Variants in SPPL3 observed in about 807,000 individuals in gnomAD.
SPPL3 encodes signal peptide peptidase like 3.
Under a neutral mutation model 42.4 loss-of-function variants are expected in SPPL3, and 5 were observed. That is an observed-to-expected ratio of 0.12 (90% CI 0.06 to 0.25). SPPL3 has a LOEUF of 0.25. Among genes scored for constraint, SPPL3 ranks in the 10% least tolerant of loss-of-function variants. The pLI is 1.00. For synonymous variants in SPPL3, 195 were observed against 181.8 expected, an observed-to-expected ratio of 1.07 and a Z score of -0.58; for missense variants, 235 against 489.0, an observed-to-expected ratio of 0.48 and a Z score of 4.90.
At position 120,853,524 on chromosome 12, in the gene SPPL3, T is replaced by C. The variant is rs74843871; in HGVS notation, c.24-42638A>G. On this transcript the variant is annotated intron_variant, in intron 1 of 10. Transcript: ENST00000353487. ...ACAAACCATAGTATTCCTAATTCTT[T>C]TGATATAAATTTTAGACTAAGAAGA... is the stretch of plus-strand genomic sequence containing the variant. 4.2e-3 allele frequency among the ~76,000 whole-genome samples: 639 copies of C among 152,310 alleles called. 7 individuals carry two copies. Among genetic ancestry groups the C allele is most frequent in the African/African-American group, 0.014 (594 of 41,562 alleles).
At chr12:120,900,654 C>T (rs1873949490) in intron 1 of SPPL3, among the ~76,000 whole-genome samples, 1 of 150,406 alleles carries the variant, frequency 6.6e-6, no homozygotes, top group Non-Finnish European at 1.5e-5. Context: ...CGCCTGTAAT[C>T]CCAGCACTTT....
intron 1 of SPPL3, among the ~76,000 whole-genome samples, chr12:120,858,464 CA>C (rs61150500): frequency 7.1e-5 from 10 of 141,716 alleles, no homozygotes; most frequent in African/African-American, 7.9e-5. Flanking sequence ...CTCAAGAAAA[CA>C]AAAAAAAAAA....
At chr12:120,860,695 A>C (rs1295569441) in intron 1 of SPPL3, among the ~76,000 whole-genome samples, 2 of 152,194 alleles carry the variant, frequency 1.3e-5, no homozygotes, top group Non-Finnish European at 2.9e-5. Context: ...TGTTCGTGAC[A>C]AATTGGAGGG....
At chr12:120,832,713 T>C (rs1871468041) in intron 1 of SPPL3, among the ~76,000 whole-genome samples, 1 of 152,194 alleles carries the variant, frequency 6.6e-6, no homozygotes, top group Non-Finnish European at 1.5e-5. Flanking sequence ...TCTTTTTATT[T>C]TACTTGGAAA....
intron 10 of SPPL3, among the ~76,000 whole-genome samples, 165 bp downstream of exon 10, chr12:120,766,098 G>GCACACACAAACA (rs750703823): frequency 1.4e-5 from 2 of 144,044 alleles, no homozygotes; most frequent in African/African-American, 5.3e-5. Context: ...TAGCGCGCGC[G>GCACACACAAACA]CGCACACACA....
intron 1 of SPPL3, 85 bp downstream of exon 1, chr12:120,903,760 T>C: frequency 3.3e-6 from 2 of 611,580 alleles, no homozygotes; most frequent in Non-Finnish European, 2.5e-6. Flanking sequence ...GCACCTGTTC[T>C]TCCTCCTCTT....
chr12:120,902,152 G>A (rs1214973501), intron 1 of SPPL3, among the ~76,000 whole-genome samples: 9 of 152,208 alleles, frequency 5.9e-5, no homozygotes, highest in Non-Finnish European at 1.3e-4. Context: ...CAGCTGTCAC[G>A]CAAAACTATG....
intron 1 of SPPL3, among the ~76,000 whole-genome samples, chr12:120,839,477 G>T (rs539325887): frequency 6.6e-6 from 1 of 152,022 alleles, no homozygotes; most frequent in South Asian, 2.1e-4. Flanking sequence ...CCTGTACATT[G>T]TGCACATGTA....
intron 2 of SPPL3, among the ~76,000 whole-genome samples, chr12:120,804,900 A>T (rs1423202452): frequency 1.3e-5 from 2 of 152,238 alleles, no homozygotes; most frequent in African/African-American, 4.8e-5. Flanking sequence ...AGTAATAAAA[A>T]GGAATGAAAT....
chr12:120,896,246 G>C (rs141052315), intron 1 of SPPL3, among the ~76,000 whole-genome samples: 1 of 152,036 alleles, frequency 6.6e-6, no homozygotes, highest in African/African-American at 2.4e-5. Context: ...CAACCTAGTC[G>C]TTCCACAACA....
intron 6 of SPPL3, among the ~76,000 whole-genome samples, chr12:120,778,408 C>T (rs535814901): frequency 3.9e-5 from 6 of 152,144 alleles, no homozygotes; most frequent in African/African-American, 1.2e-4. Flanking sequence ...TGAGCCACCG[C>T]GCCCGGCCTG....
rs71453512 is a variant in SPPL3, at chr12:120,871,130, CAAAAAAAAA to C, written c.23+32706_23+32714del. Among the ~76,000 whole-genome samples the C allele has an allele frequency of 7.7e-5, 4 of 51,686 alleles. No individual in the cohort carries two copies. In the East Asian group the frequency reaches 3.0e-3, roughly 39 times the overall value. The allele number at this position is 51,686 out of a possible 152,430, so 33.9% of individuals were successfully genotyped here. Reference sequence around the variant, plus strand: ...GGGCGACAGAGTGAGACTCCGTCTCCAAAAAAAAAAAAAAAAAAAGAAAAAGTTCTGGAG... The same window carrying C: ...GGGCGACAGAGTGAGACTCCGTCTCCAAAAAAAAAAGAAAAAGTTCTGGAG... On this transcript the variant is annotated intron_variant, in intron 1 of 10. Transcript: ENST00000353487.
intron 4 of SPPL3, 78 bp downstream of exon 4, chr12:120,784,396 C>T: frequency 1.4e-6 from 2 of 1,420,364 alleles, no homozygotes. Flanking sequence ...GTATATAAAT[C>T]TTAATTTTTG....
chr12:120,863,355 A>C (rs534629639), intron 1 of SPPL3, among the ~76,000 whole-genome samples: 38 of 151,160 alleles, frequency 2.5e-4, no homozygotes, highest in African/African-American at 8.3e-4. Context: ...CTCAAAAGAA[A>C]AAAAAAAAAA....
chr12:120,863,849 C>G (rs183839185), intron 1 of SPPL3, among the ~76,000 whole-genome samples: 70 of 125,514 alleles, frequency 5.6e-4, no homozygotes, highest in African/African-American at 2.2e-3. Flanking sequence ...CTTTTCTTTT[C>G]TTTTTTTCTT....
intron 1 of SPPL3, among the ~76,000 whole-genome samples, chr12:120,878,034 AATT>A (rs3861792): frequency 0.19 from 29,076 of 151,346 alleles, 4,366 homozygotes; most frequent in African/African-American, 0.41. Flanking sequence ...AAGAAAAAAA[AATT>A]AATTAAACAG....
intron 2 of SPPL3, among the ~76,000 whole-genome samples, chr12:120,796,214 G>C (rs1592966788): frequency 6.6e-6 from 1 of 151,818 alleles, no homozygotes; most frequent in African/African-American, 2.4e-5. Flanking sequence ...CGTCTCTACT[G>C]AAAATACAAA....
At chr12:120,861,320 T>C (rs761388170) in intron 1 of SPPL3, among the ~76,000 whole-genome samples, 12 of 152,216 alleles carry the variant, frequency 7.9e-5, no homozygotes, top group South Asian at 2.1e-4. Flanking sequence ...TTGCAGGCCA[T>C]AGTTTGCTTA....
rs184707176 is a variant in SPPL3, at chr12:120,779,808, C to A, written c.502+2847G>T. ...TGGCCAACGTGGCGAAACCTTGTCT[C>A]TACTAAAAATACAAAAAAAAAAAAA... On this transcript the variant is annotated intron_variant, in intron 6 of 10. Coordinates refer to ENST00000353487, the MANE Select transcript of SPPL3 (RefSeq NM_139015.5). Among the ~76,000 whole-genome samples, 427 of 77,520 alleles carry A rather than the reference C, an allele frequency of 5.5e-3. 2 individuals carry two copies. The highest frequency in any genetic ancestry group is 0.031 in the African/African-American group (415 of 13,240). The allele number at this position is 77,520 out of a possible 152,430, so 50.9% of individuals were successfully genotyped here. A position where few individuals can be genotyped will look rare whatever the true frequency, so the allele number is the denominator to read the frequency against.
Sources: allele counts gnomAD v4.1 joint callset (sites outside exome capture counted in the v4.1 genomes callset), GRCh38; gene constraint gnomAD v4.1.1; transcripts MANE v1.5; gene names NCBI Gene and HGNC (gene_info 2026-07-23, HGNC 2026-07-21).